UCKL1: variants seen among roughly 807,000 people sequenced by gnomAD.
The protein encoded by UCKL1 is uridine-cytidine kinase 1 like 1.
Under a neutral mutation model 59.2 loss-of-function variants are expected in UCKL1, and 65 were observed. The ratio of observed to expected loss-of-function variants is 1.10; its 90% CI spans 0.90 to 1.35. The LOEUF (loss-of-function observed/expected upper bound fraction) is 1.35, where lower values mean the gene tolerates loss of function less well. UCKL1 is among the 40% of genes most tolerant of loss of function. The probability of loss-of-function intolerance (pLI) is 0.00; values close to 1 mark genes in which losing one functional copy is unlikely to be tolerated. For missense variants in UCKL1, 703 were observed against 784.3 expected (o/e 0.90, Z 1.24); for synonymous variants, 410 against 323.1 (o/e 1.27, Z -2.88).
intron 1 of UCKL1, chr20:63,954,157 G>GGGCTT (rs1349798630): frequency 2.6e-5 from 4 of 153,040 alleles, no homozygotes; most frequent in Admixed American, 6.5e-5. Context: ...TGGGGGTTGG[G>GGGCTT]GGCTTGCCCT....
intron 1 of UCKL1, among the ~76,000 whole-genome samples, chr20:63,948,989 G>T (rs1277149070): frequency 1.3e-5 from 2 of 152,076 alleles, no homozygotes; most frequent in East Asian, 3.8e-4. Context: ...GAAGGAGGGA[G>T]CCCAGCCCGA....
intron 1 of UCKL1, among the ~76,000 whole-genome samples, chr20:63,951,830 G>A (rs1490964401): frequency 6.6e-6 from 1 of 152,196 alleles, no homozygotes; most frequent in East Asian, 1.9e-4. Flanking sequence ...CAGGGTTTCG[G>A]CCCCACCCTC....
rs1162569853 is a variant in UCKL1, at chr20:63,951,970, GGCAGGGGCTGCCA to G, written c.113+4277_113+4289del. ...TTTCTCTTGGAGCTTCTAGTACTGAGGCAGGGGCTGCCAGAAGCTCAGGGAAAAGGGAAGACTC... is the reference window on the plus strand; with the variant it reads ...TTTCTCTTGGAGCTTCTAGTACTGAGGAAGCTCAGGGAAAAGGGAAGACTC... On this transcript the variant is annotated intron_variant, in intron 1 of 14. Coordinates refer to ENST00000354216, the MANE Select transcript of UCKL1 (RefSeq NM_017859.4). Among the ~76,000 whole-genome samples, 3 of 152,346 alleles carry G rather than the reference GGCAGGGGCTGCCA, an allele frequency of 2.0e-5. No individual in the cohort carries two copies. In the East Asian group the frequency reaches 5.8e-4, roughly 29 times the overall value.
At chr20:63,955,439 C>T (rs2058431337) in intron 1 of UCKL1, 1 of 152,268 alleles carries the variant, frequency 6.6e-6, no homozygotes, top group African/African-American at 2.4e-5. Flanking sequence ...CCGGGACACC[C>T]TTCCCCCTGC....
chr20:63,945,945 C>A lies in UCKL1; in HGVS notation c.442G>T (p.Ala148Ser). The change falls in exon 4 of 15, where the codon GCA (alanine) becomes TCA (serine). Residue 148 changes from alanine (A) to serine (S), a missense_variant. Transcript: ENST00000354216. ...TGGTCGAAGTTGAAGTTGTTGTGTG[C>A]GGCCTGTTCCTGCTGCTGCTCAGTC... The part of the protein sequence containing the change: ...VLTEQQQEQA[A>S]HNNFNFDHPD... 6.2e-7 allele frequency: 1 copy of A among 1,613,794 alleles called. No homozygotes were observed. Among genetic ancestry groups the A allele is most frequent in the Non-Finnish European group, 8.5e-7 (1 of 1,179,958 alleles).
In UCKL1 at chr20:63,941,007, G is replaced by A. The variant is rs370333904; in HGVS notation, c.1059C>T (p.Tyr353=). 2.4e-5 allele frequency: 37 copies of A among 1,549,074 alleles called. No individual in the cohort carries two copies. In the African/African-American group the frequency reaches 4.9e-4, roughly 21 times the overall value. The stretch of plus-strand genomic sequence containing the variant: ...TGAGCAGCCGCATCAGTCTCTTGGA[G>A]TAGAAGATGAACTCGTCGCGACTGG... The part of the protein sequence containing the change: ...KETSRDEFIF[Y]SKRLMRLLIE... Residue 353 remains tyrosine (Y), a synonymous_variant, in exon 10 of 15, where the codon TAC becomes TAT. Coordinates refer to ENST00000354216, the MANE Select transcript of UCKL1 (RefSeq NM_017859.4).
chr20:63,947,384 A>G (rs1024457352), intron 1 of UCKL1, among the ~76,000 whole-genome samples: 2 of 152,228 alleles, frequency 1.3e-5, no homozygotes, highest in South Asian at 4.1e-4. Context: ...TGGGCAGCCA[A>G]ATCGCTGCCA....
chr20:63,946,266 G>A lies in UCKL1; in HGVS notation c.306C>T (p.Gly102=). The A allele has an allele frequency of 6.3e-7, 1 of 1,586,156 alleles. No individual in the cohort carries two copies. The highest frequency in any genetic ancestry group is 8.6e-7 in the Non-Finnish European group (1 of 1,167,248). The stretch of plus-strand genomic sequence containing the variant: ...TCCCAGAGGCACTGCCGCCTCCCAA[G>A]CCTGCCGGCGGGAGTGGAGACCCTC... ...GTQSKEAFAI[G]LGGGSASGKT... The change falls in exon 3 of 15, where the codon GGC becomes GGT. Residue 102 remains glycine, a splice_region_variant and synonymous_variant. Coordinates refer to ENST00000354216, the MANE Select transcript of UCKL1 (RefSeq NM_017859.4).
At chr20:63,944,764 C>G (rs779076958) in intron 5 of UCKL1, 30 bp from the exon 6 acceptor site, 1 of 1,607,908 alleles carries the variant, frequency 6.2e-7, no homozygotes, top group Non-Finnish European at 8.5e-7. Context: ...AGTGAGTGGC[C>G]AGATGCCAGC....
At position 63,953,887 on chromosome 20, in the gene UCKL1, A is replaced by C. The variant is rs571984293; in HGVS notation, c.113+2373T>G. On this transcript the variant is annotated intron_variant, in intron 1 of 14. Coordinates refer to ENST00000354216, the MANE Select transcript of UCKL1 (RefSeq NM_017859.4). ...CACAGGGAGAAAGGAAGGCTCGGGC[A>C]CTCCCTTGCTGTGGTTCAGGCCTGT... is the stretch of plus-strand genomic sequence containing the variant. 3 of 152,452 alleles carry C rather than the reference A, an allele frequency of 2.0e-5. No homozygotes were observed. In the East Asian group the frequency reaches 5.8e-4, roughly 29 times the overall value. The allele number at this position is 152,452 out of a possible 1,614,324, so 9.4% of individuals were successfully genotyped here.
chr20:63,942,510 A>G, intron 8 of UCKL1: 1 of 1,173,086 alleles, frequency 8.5e-7, no homozygotes, highest in Non-Finnish European at 1.1e-6. Context: ...GGTGAAGAGC[A>G]TGTTCAGGGA....
Position 63,940,808 on chromosome 20 carries a change from A to T in UCKL1, c.1165T>A (p.Tyr389Asn), listed in dbSNP as rs2067752329. The change falls in exon 11 of 15, where the codon TAT becomes AAT. Residue 389 changes from tyrosine to asparagine, a missense_variant. Coordinates refer to ENST00000354216, the MANE Select transcript of UCKL1 (RefSeq NM_017859.4). ...CAGGCAGGTACCTGCTTCCCCGCAT[A>T]GCACTTGCCCGCATAGTCCTGCCCC... is the stretch of plus-strand genomic sequence containing the variant. ...PQGQDYAGKCYAGKQITGVSI... is the reference protein window; with the variant it reads ...PQGQDYAGKCNAGKQITGVSI... 2 of 1,581,360 alleles carry T rather than the reference A, an allele frequency of 1.3e-6. No individual in the cohort carries two copies. The highest frequency in any genetic ancestry group is 2.3e-5 in the South Asian group (2 of 86,050).
chr20:63,940,538 G>A lies in UCKL1; in HGVS notation c.1303-53C>T, dbSNP rs2054086667. The A allele has an allele frequency of 2.3e-5, 37 of 1,603,738 alleles. No homozygotes were observed. In the South Asian group the frequency reaches 3.8e-4, roughly 16 times the overall value. On this transcript the variant is annotated intron_variant, in intron 12 of 14. Coordinates refer to ENST00000354216, the MANE Select transcript of UCKL1 (RefSeq NM_017859.4). ...GTGGGGCTCCCTGCGTCCCCTTGCT[G>A]TGAGCTCCCTCTGCCCCCTACCCCC...
chr20:63,949,195 C>CGGCTCCGGAGA (rs2057175790), intron 1 of UCKL1, among the ~76,000 whole-genome samples: 1 of 152,152 alleles, frequency 6.6e-6, no homozygotes, highest in African/African-American at 2.4e-5. Context: ...AGCCTCACCT[C>CGGCTCCGGAGA]GGCTCCGGAG....
At chr20:63,948,102 C>T (rs1055628335) in intron 1 of UCKL1, 4 of 152,336 alleles carry the variant, frequency 2.6e-5, no homozygotes, top group Non-Finnish European at 5.9e-5. Flanking sequence ...CGGCAGAAGG[C>T]ACTTGTGGCC....
At chr20:63,949,052 CAA>C (rs1261263738) in intron 1 of UCKL1, among the ~76,000 whole-genome samples, 5 of 152,128 alleles carry the variant, frequency 3.3e-5, no homozygotes, top group African/African-American at 1.2e-4. Context: ...TTTAAAGCAG[CAA>C]AGAGACCCGC....
chr20:63,947,345 C>G (rs766782752), intron 1 of UCKL1, among the ~76,000 whole-genome samples: 1 of 152,244 alleles, frequency 6.6e-6, no homozygotes, highest in Non-Finnish European at 1.5e-5. Context: ...CAAAATGGAC[C>G]ACGTTCCCTT....
At position 63,941,937 on chromosome 20, in the gene UCKL1, G is replaced by A. The variant is rs555813982; in HGVS notation, c.924-729C>T. Among the ~76,000 whole-genome samples, 306 of 151,120 alleles carry A rather than the reference G, an allele frequency of 2.0e-3. 4 individuals are homozygous for A. The highest frequency in any genetic ancestry group is 7.0e-3 in the African/African-American group (289 of 41,058). On this transcript the variant is annotated intron_variant, in intron 8 of 14. Coordinates refer to ENST00000354216, the MANE Select transcript of UCKL1 (RefSeq NM_017859.4). ...CACAGAATTGGGTGTGGCAGGGGAA[G>A]GAAAGAGGCAGGGCACGGAATTGGG...
At chr20:63,945,619 C>T in intron 5 of UCKL1, 32 bp downstream of exon 5, 1 of 1,610,522 alleles carries the variant, frequency 6.2e-7, no homozygotes, top group Non-Finnish European at 8.5e-7. Flanking sequence ...GCTGAGATAC[C>T]AGCGGGGTGG....
Sources: allele counts gnomAD v4.1 joint callset (sites outside exome capture counted in the v4.1 genomes callset), GRCh38; gene constraint gnomAD v4.1.1; transcripts MANE v1.5; gene names NCBI Gene and HGNC (gene_info 2026-07-23, HGNC 2026-07-21).